The following EXOC4 variants were observed in gnomAD, a reference collection of about 807,000 sequenced individuals.
The protein encoded by EXOC4 is exocyst complex component 4.
A neutral mutation model predicts 107.2 loss-of-function variants in EXOC4; 71 were observed. The observed-to-expected ratio is 0.66, with a 90% CI of 0.55 to 0.81. The LOEUF (loss-of-function observed/expected upper bound fraction) is 0.81. Among genes scored for constraint, EXOC4 ranks in the 30% least tolerant of loss-of-function variants. The pLI is 0.00. For synonymous variants in EXOC4, 456 were observed against 441.2 expected, an observed-to-expected ratio of 1.03 and a Z score of -0.42; for missense variants, 1,108 against 1,189.6, an observed-to-expected ratio of 0.93 and a Z score of 1.01.
intron 9 of EXOC4, among the ~76,000 whole-genome samples, chr7:133,512,320 C>T (rs902570776): frequency 6.6e-6 from 1 of 151,966 alleles, no homozygotes; most frequent in African/African-American, 2.4e-5. Context: ...ATCCCAGCTG[C>T]TCGGGAACTA....
At chr7:133,961,716 T>C (rs2116838303) in intron 14 of EXOC4, among the ~76,000 whole-genome samples, 1 of 152,340 alleles carries the variant, frequency 6.6e-6, no homozygotes, top group South Asian at 2.1e-4. Context: ...TGCCTCCATT[T>C]TTCTGATGAC....
At chr7:133,881,126 T>C (rs1318494939) in intron 11 of EXOC4, among the ~76,000 whole-genome samples, 1 of 152,206 alleles carries the variant, frequency 6.6e-6, no homozygotes, top group Admixed American at 6.5e-5. Flanking sequence ...TAATTATTTA[T>C]ATTTTCTTGC....
At chr7:133,670,359 A>C (rs1385533537) in intron 10 of EXOC4, among the ~76,000 whole-genome samples, 1 of 152,210 alleles carries the variant, frequency 6.6e-6, no homozygotes, top group African/African-American at 2.4e-5. Flanking sequence ...AAATGATATT[A>C]TGTGAAAGAT....
At chr7:133,903,207 A>C (rs1259859113) in intron 12 of EXOC4, among the ~76,000 whole-genome samples, 1 of 152,222 alleles carries the variant, frequency 6.6e-6, no homozygotes, top group Non-Finnish European at 1.5e-5. Context: ...TTGGTAAGCC[A>C]CTCTAGGGAT....
intron 14 of EXOC4, among the ~76,000 whole-genome samples, chr7:133,981,656 T>A (rs1028233810): frequency 6.6e-6 from 1 of 151,324 alleles, no homozygotes; most frequent in East Asian, 1.9e-4. Context: ...TTGGTGGGAG[T>A]GTAAATTAGT....
At chr7:133,618,055 C>G (rs1253098386) in intron 9 of EXOC4, among the ~76,000 whole-genome samples, 5 of 151,972 alleles carry the variant, frequency 3.3e-5, no homozygotes, top group African/African-American at 1.2e-4. Flanking sequence ...AGGAGAAGAA[C>G]CAGATCAGCA....
At chr7:133,412,999 A>G (rs759777345) in intron 7 of EXOC4, among the ~76,000 whole-genome samples, 1 of 152,090 alleles carries the variant, frequency 6.6e-6, no homozygotes, top group South Asian at 2.1e-4. Flanking sequence ...AAGTGTGGCT[A>G]GTATACCAGG....
At chr7:133,845,905 A>G (rs962022450) in intron 11 of EXOC4, among the ~76,000 whole-genome samples, 1 of 151,952 alleles carries the variant, frequency 6.6e-6, no homozygotes, top group Non-Finnish European at 1.5e-5. Flanking sequence ...GACTGGATAA[A>G]CTCTTCAGTC....
At chr7:133,379,057 G>C (rs1219785356) in intron 7 of EXOC4, among the ~76,000 whole-genome samples, 1 of 152,012 alleles carries the variant, frequency 6.6e-6, no homozygotes, top group East Asian at 1.9e-4. Flanking sequence ...AATAAGAATA[G>C]TACAAAGAGC....
rs183401816 is a variant in EXOC4 at position 133,259,712 on chromosome 7, A to G, written c.86+6525A>G. On this transcript the variant is annotated intron_variant, in intron 1 of 17. Coordinates refer to ENST00000253861, the MANE Select transcript of EXOC4 (RefSeq NM_021807.4). ...TTTCAGATTTTATCCTCCTAAAGTT[A>G]TTATCATTGATATTAGATGAACCTA... 8.6e-3 allele frequency among the ~76,000 whole-genome samples: 1,307 copies of G among 152,308 alleles called. 11 individuals are homozygous for G. The highest frequency in any genetic ancestry group is 0.013 in the Admixed American group (198 of 15,298).
At chr7:133,306,097 A>G (rs1794748517) in intron 4 of EXOC4, 36 bp downstream of exon 4, 1 of 1,523,444 alleles carries the variant, frequency 6.6e-7, no homozygotes, top group East Asian at 2.4e-5. Context: ...GTCTTGTGGC[A>G]GTGTAGGATT....
chr7:133,457,848 A>T (rs367661083), intron 7 of EXOC4, among the ~76,000 whole-genome samples: 1 of 152,128 alleles, frequency 6.6e-6, no homozygotes, highest in African/African-American at 2.4e-5. Context: ...TCTGTGGCCA[A>T]ATTTAATCAT....
At chr7:133,751,842 A>G (rs1157864633) in intron 10 of EXOC4, among the ~76,000 whole-genome samples, 1 of 151,608 alleles carries the variant, frequency 6.6e-6, no homozygotes, top group Admixed American at 6.6e-5. Context: ...TTTCTAATTT[A>G]TTTTCTTCAA....
intron 14 of EXOC4, among the ~76,000 whole-genome samples, chr7:133,995,022 AT>A (rs1794354358): frequency 6.6e-6 from 1 of 152,088 alleles, no homozygotes; most frequent in South Asian, 2.1e-4. Context: ...TCTGGGCATA[AT>A]TTTTCATGTT....
At chr7:133,268,266 G>A (rs1465605735) in intron 1 of EXOC4, among the ~76,000 whole-genome samples, 1 of 152,200 alleles carries the variant, frequency 6.6e-6, no homozygotes, top group East Asian at 1.9e-4. Context: ...TCCAGAGCCT[G>A]TGTTCCTTTA....
chr7:133,320,661 C>T (rs1048963676), intron 5 of EXOC4, among the ~76,000 whole-genome samples: 8 of 152,186 alleles, frequency 5.3e-5, no homozygotes, highest in East Asian at 1.9e-4. Context: ...CCACACTCTA[C>T]GCTGCCCATT....
chr7:133,975,223 CAGAT>C lies in EXOC4; in HGVS notation c.2207-22265_2207-22262del, dbSNP rs377377600. 2.6e-4 allele frequency among the ~76,000 whole-genome samples: 39 copies of C among 152,216 alleles called. No individual in the cohort carries two copies. The East Asian group carries it at 4.6e-3, about 18-fold the overall frequency. Reference sequence around the variant, plus strand: ...TTTTCATAAAAGTATACTATTCACTCAGATAGAGGGTCTGGATCATGCTTTCTTG... The same window carrying C: ...TTTTCATAAAAGTATACTATTCACTCAGAGGGTCTGGATCATGCTTTCTTG... On this transcript the variant is annotated intron_variant, in intron 14 of 17. Transcript: ENST00000253861.
intron 11 of EXOC4, among the ~76,000 whole-genome samples, chr7:133,850,598 G>A (rs1259187571): frequency 2.6e-5 from 4 of 151,406 alleles, no homozygotes; most frequent in African/African-American, 9.7e-5. Flanking sequence ...AGAATCATAC[G>A]TTCAGACATG....
At chr7:133,511,449 T>C (rs1799767407) in intron 9 of EXOC4, among the ~76,000 whole-genome samples, 2 of 152,198 alleles carry the variant, frequency 1.3e-5, no homozygotes, top group South Asian at 2.1e-4. Context: ...GTGTTCTCTC[T>C]GTCTCTGGTG....
Sources: gnomAD v4.1 joint callset for allele counts (sites outside exome capture counted in the v4.1 genomes callset) on GRCh38, gnomAD v4.1.1 for gene constraint, MANE v1.5 for transcripts, NCBI Gene and HGNC (gene_info 2026-07-23, HGNC 2026-07-21) for gene names.